OSBPL1A: variants seen among roughly 807,000 people sequenced by gnomAD.
OSBPL1A encodes oxysterol binding protein like 1A, also known as oxysterol-binding protein-related protein 1.
OSBPL1A carries 80 observed loss-of-function variants against 137.1 expected under a neutral mutation model. That is an observed-to-expected ratio of 0.58 (90% CI 0.49 to 0.70). The LOEUF is 0.70. Among genes scored for constraint, OSBPL1A ranks in the 30% least tolerant of loss-of-function variants. The pLI, the probability that OSBPL1A is intolerant of heterozygous loss-of-function variation, is 0.00. For synonymous variants in OSBPL1A, 365 were observed against 389.7 expected, an observed-to-expected ratio of 0.94 and a Z score of 0.75; for missense variants, 970 against 1,129.4, an observed-to-expected ratio of 0.86 and a Z score of 2.02.
chr18:24,180,562 T>C (rs889119370), intron 19 of OSBPL1A, among the ~76,000 whole-genome samples: 19 of 152,180 alleles, frequency 1.2e-4, no homozygotes, highest in African/African-American at 4.1e-4. Context: ...AACACAACGC[T>C]ACTTTCTCAA....
At chr18:24,390,768 A>G (rs921049797) in intron 1 of OSBPL1A, among the ~76,000 whole-genome samples, 3 of 149,638 alleles carry the variant, frequency 2.0e-5, no homozygotes, top group Non-Finnish European at 4.4e-5. Flanking sequence ...TGTGTTTCTC[A>G]TTTTCCATGC....
At chr18:24,259,388 G>A (rs189345673) in intron 15 of OSBPL1A, among the ~76,000 whole-genome samples, 2 of 152,224 alleles carry the variant, frequency 1.3e-5, no homozygotes, top group Admixed American at 1.3e-4. Flanking sequence ...TAAGCCCCAA[G>A]TTTTACCTTT....
chr18:24,208,474 C>G (rs1347293244), intron 17 of OSBPL1A, among the ~76,000 whole-genome samples: 1 of 152,224 alleles, frequency 6.6e-6, no homozygotes, highest in African/African-American at 2.4e-5. Context: ...CATCTCTCTA[C>G]TCCTTCTTTG....
intron 16 of OSBPL1A, among the ~76,000 whole-genome samples, chr18:24,230,666 T>C (rs1285429136): frequency 6.6e-6 from 1 of 152,216 alleles, no homozygotes; most frequent in Non-Finnish European, 1.5e-5. Context: ...CCTGTCGTTA[T>C]TCTTTTTATT....
At chr18:24,256,809 G>C (rs1240093346) in intron 15 of OSBPL1A, among the ~76,000 whole-genome samples, 3 of 151,736 alleles carry the variant, frequency 2.0e-5, no homozygotes, top group African/African-American at 7.3e-5. Flanking sequence ...ATTTCTACAT[G>C]CCAAAAGTGA....
intron 4 of OSBPL1A, among the ~76,000 whole-genome samples, chr18:24,356,844 T>A (rs964592237): frequency 6.6e-6 from 1 of 152,152 alleles, no homozygotes; most frequent in Non-Finnish European, 1.5e-5. Context: ...AAAACCCAGA[T>A]GGAATGTGGA....
At chr18:24,181,946 T>C (rs1469823613) in intron 18 of OSBPL1A, among the ~76,000 whole-genome samples, 3 of 152,246 alleles carry the variant, frequency 2.0e-5, no homozygotes, top group Non-Finnish European at 4.4e-5. Context: ...CATGAATTGC[T>C]GTCTGTTCAA....
At chr18:24,209,615 A>G (rs2087474250) in intron 17 of OSBPL1A, among the ~76,000 whole-genome samples, 1 of 152,204 alleles carries the variant, frequency 6.6e-6, no homozygotes, top group South Asian at 2.1e-4. Flanking sequence ...ATAACTCCAA[A>G]CTGGAAAAAA....
rs1412536719 is a variant in OSBPL1A, at chr18:24,225,106, T to A, written c.1537A>T (p.Arg513Ter). The A allele has an allele frequency of 6.2e-7, 1 of 1,614,198 alleles. No homozygotes were observed. The highest frequency in any genetic ancestry group is 8.5e-7 in the Non-Finnish European group (1 of 1,180,012). The part of the protein sequence containing the change: ...EGEHLGSRKH[R>*]MSEEKDCGGG... ...CCACAGTCTTTTTCTTCGGACATTC[T>A]GTGTTTTCTACTGCCCAAATGCTCT... The change falls in exon 17 of 28, where the codon AGA becomes TGA. Residue 513 changes from arginine to a stop codon, truncating the protein, a stop_gained. Coordinates refer to ENST00000319481, the MANE Select transcript of OSBPL1A (RefSeq NM_080597.4). LOFTEE classifies it high-confidence loss of function.
At chr18:24,389,969 T>C (rs1907208198) in intron 1 of OSBPL1A, among the ~76,000 whole-genome samples, 1 of 151,590 alleles carries the variant, frequency 6.6e-6, no homozygotes, top group Non-Finnish European at 1.5e-5. Context: ...TAAAATAAAA[T>C]CTATAGAACC....
intron 4 of OSBPL1A, among the ~76,000 whole-genome samples, chr18:24,344,377 C>T (rs377733813): frequency 5.3e-5 from 8 of 152,094 alleles, no homozygotes; most frequent in South Asian, 2.1e-4. Context: ...TGCTTGAACC[C>T]GGGAGGCAGA....
intron 21 of OSBPL1A, among the ~76,000 whole-genome samples, chr18:24,173,674 A>C (rs1232394014): frequency 6.6e-6 from 1 of 152,208 alleles, no homozygotes; most frequent in African/African-American, 2.4e-5. Context: ...TGGCCTCCCA[A>C]AGTGCTGGGA....
At chr18:24,396,201 C>T (rs1907730880) in intron 1 of OSBPL1A, among the ~76,000 whole-genome samples, 1 of 143,096 alleles carries the variant, frequency 7.0e-6, no homozygotes, top group South Asian at 2.3e-4. Context: ...GCCTAGGCAA[C>T]AGAGCGAGAC....
chr18:24,268,289 A>G (rs1313700697), intron 15 of OSBPL1A, among the ~76,000 whole-genome samples: 1 of 151,730 alleles, frequency 6.6e-6, no homozygotes, highest in Non-Finnish European at 1.5e-5. Flanking sequence ...CTAATTTTTT[A>G]TATTTTTTTT....
chr18:24,179,920 T>A, intron 19 of OSBPL1A, 85 bp from the exon 20 acceptor site: 1 of 1,011,950 alleles, frequency 9.9e-7, no homozygotes, highest in Non-Finnish European at 1.5e-6. Flanking sequence ...CTGAAGACAG[T>A]AATTTACAGA....
At position 24,219,517 on chromosome 18, in the gene OSBPL1A, G is replaced by A. The variant is rs1271886496; in HGVS notation, c.1601+5525C>T. On this transcript the variant is annotated intron_variant, in intron 17 of 27. Transcript: ENST00000319481. ...TCGTACATAAGTTTCTTAGCTCTTT[G>A]CTATTTGGTTGATTTAAGCATAGCC... Among the ~76,000 whole-genome samples the A allele has an allele frequency of 3.9e-5, 6 of 152,054 alleles. No individual in the cohort carries two copies. In the East Asian group the frequency reaches 1.2e-3, roughly 29 times the overall value.
At chr18:24,250,777 G>A (rs1399705539) in intron 15 of OSBPL1A, among the ~76,000 whole-genome samples, 1 of 152,234 alleles carries the variant, frequency 6.6e-6, no homozygotes, top group East Asian at 1.9e-4. Flanking sequence ...CTTGGCCACA[G>A]TGGGACAGAG....
intron 14 of OSBPL1A, 67 bp downstream of exon 14, chr18:24,303,570 C>T: frequency 1.5e-6 from 2 of 1,301,480 alleles, no homozygotes; most frequent in Non-Finnish European, 1.1e-6. Flanking sequence ...TGAAGTCAAA[C>T]AAAACTACAA....
rs192431743 is a variant in OSBPL1A at position 24,375,016 on chromosome 18, G to C, written c.121+2397C>G. Among the ~76,000 whole-genome samples, 8 of 152,066 alleles carry C rather than the reference G, an allele frequency of 5.3e-5. 1 individual carries two copies. Among genetic ancestry groups the C allele is most frequent in the Admixed American group, 5.2e-4 (8 of 15,256 alleles). On this transcript the variant is annotated intron_variant, in intron 2 of 27. Transcript: ENST00000319481. ...GGGAGATCAAGACTTTATCAAAAAGGCTACTAAAAAAAGTATGGCTAGATG... is the reference window on the plus strand; with the variant it reads ...GGGAGATCAAGACTTTATCAAAAAGCCTACTAAAAAAAGTATGGCTAGATG...
Sources: gnomAD v4.1 joint callset for allele counts (sites outside exome capture counted in the v4.1 genomes callset) on GRCh38, gnomAD v4.1.1 for gene constraint, MANE v1.5 for transcripts, NCBI Gene and HGNC (gene_info 2026-07-23, HGNC 2026-07-21) for gene names.